NXN: variants seen among roughly 807,000 people sequenced by gnomAD.
NXN encodes the protein nucleoredoxin 1.
NXN carries 16 observed loss-of-function variants against 48.6 expected under a neutral mutation model. The ratio of observed to expected loss-of-function variants is 0.33; its 90% CI spans 0.22 to 0.50. The LOEUF is 0.50. NXN is among the 20% of genes least tolerant of loss of function. The probability of loss-of-function intolerance (pLI) is 0.98; values close to 1 mark genes in which losing one functional copy is unlikely to be tolerated. For synonymous variants in NXN, 281 were observed against 269.6 expected (o/e 1.04, Z -0.41); for missense variants, 492 against 605.5 (o/e 0.81, Z 1.97).
intron 5 of NXN, among the ~76,000 whole-genome samples, chr17:807,077 G>A (rs910922): frequency 0.16 from 24,889 of 152,152 alleles, 2,481 homozygotes; most frequent in East Asian, 0.4. Context: ...ACATCCTCAG[G>A]CTGCATTTTA....
rs561711496 is a variant in NXN at position 969,834 on chromosome 17, G to GAA, written c.360+9483_360+9484dup. Among the ~76,000 whole-genome samples, 7 of 152,230 alleles carry GAA rather than the reference G, an allele frequency of 4.6e-5. No individual in the cohort carries two copies. The South Asian group carries it at 1.5e-3, about 32-fold the overall frequency. On this transcript the variant is annotated intron_variant, in intron 1 of 7. Transcript: ENST00000336868. ...TGAAATTCTCCCAGGAAAACAAAGA[G>GAA]AAAGCCCTATCCCTAGGACAGCAGA...
chr17:938,786 G>A (rs1011558065), intron 1 of NXN, among the ~76,000 whole-genome samples: 3 of 152,122 alleles, frequency 2.0e-5, no homozygotes, highest in South Asian at 2.1e-4. Context: ...CAGGCTGGGC[G>A]CGGTGGCTCA....
intron 1 of NXN, among the ~76,000 whole-genome samples, chr17:833,872 G>A (rs1440482469): frequency 6.6e-6 from 1 of 152,108 alleles, no homozygotes; most frequent in Non-Finnish European, 1.5e-5. Flanking sequence ...GACGTTAACA[G>A]TGAAGAGCGG....
intron 1 of NXN, among the ~76,000 whole-genome samples, chr17:970,261 G>A (rs917690504): frequency 5.3e-5 from 8 of 152,068 alleles, no homozygotes; most frequent in African/African-American, 1.4e-4. Context: ...AAGTTGGAAC[G>A]GCAGTTTCTG....
intron 1 of NXN, among the ~76,000 whole-genome samples, chr17:828,135 G>A (rs1411664940): frequency 1.3e-5 from 2 of 151,974 alleles, no homozygotes; most frequent in South Asian, 2.1e-4. Flanking sequence ...ACAGAATCTC[G>A]CTCTGTCACC....
chr17:934,920 T>C (rs1392385315), intron 1 of NXN, among the ~76,000 whole-genome samples: 1 of 152,146 alleles, frequency 6.6e-6, no homozygotes, highest in East Asian at 1.9e-4. Flanking sequence ...CCAAGCGGAC[T>C]GTCTGGACAG....
At chr17:840,052 G>A (rs187669630) in intron 1 of NXN, among the ~76,000 whole-genome samples, 433 of 151,020 alleles carry the variant, frequency 2.9e-3, no homozygotes, top group African/African-American at 1.0e-2. Flanking sequence ...AGCTGAGATC[G>A]TGCCACTGCA....
At chr17:963,259 A>C (rs2069260740) in intron 1 of NXN, among the ~76,000 whole-genome samples, 1 of 144,490 alleles carries the variant, frequency 6.9e-6, no homozygotes, top group Non-Finnish European at 1.5e-5. Context: ...TTTTATTTGA[A>C]ATTTTTTTTT....
intron 1 of NXN, among the ~76,000 whole-genome samples, chr17:952,994 G>C (rs2069129666): frequency 1.3e-5 from 2 of 152,102 alleles, no homozygotes; most frequent in Non-Finnish European, 2.9e-5. Flanking sequence ...TCCTAGAGGG[G>C]TCCTAGGCTA....
intron 4 of NXN, 112 bp from the exon 5 acceptor site, chr17:819,657 T>C: frequency 1.4e-6 from 1 of 737,310 alleles, no homozygotes; most frequent in Non-Finnish European, 2.3e-6. Context: ...CCGGGGTTTC[T>C]AACCACTGTG....
intron 5 of NXN, among the ~76,000 whole-genome samples, chr17:808,237 T>C (rs572632289): frequency 2.6e-4 from 40 of 152,056 alleles, no homozygotes; most frequent in Middle Eastern, 3.4e-3. Flanking sequence ...ACAGCCACCA[T>C]TTCCCTTTCT....
chr17:868,266 G>A (rs932798930), intron 1 of NXN, among the ~76,000 whole-genome samples: 5 of 152,034 alleles, frequency 3.3e-5, no homozygotes, highest in African/African-American at 1.2e-4. Flanking sequence ...CTTCACACGT[G>A]GGATTCCCTC....
chr17:879,038 G>A (rs1013702188), intron 1 of NXN, among the ~76,000 whole-genome samples: 9 of 151,860 alleles, frequency 5.9e-5, no homozygotes, highest in African/African-American at 1.5e-4. Flanking sequence ...GGTGGCAGGC[G>A]CCTCTAATCC....
Position 895,532 on chromosome 17 carries a change from G to A in NXN, c.361-69454C>T, listed in dbSNP as rs368080043. ...TTCTGGTTTAAAAAGACCCAATGTG[G>A]CCGGGCGCAGTGGCTCACGCCTCTA... On this transcript the variant is annotated intron_variant, in intron 1 of 7. Coordinates refer to ENST00000336868, the MANE Select transcript of NXN (RefSeq NM_022463.5). Among the ~76,000 whole-genome samples, 546 of 151,986 alleles carry A rather than the reference G, an allele frequency of 3.6e-3. 4 individuals are homozygous for A. The highest frequency in any genetic ancestry group is 4.8e-3 in the Non-Finnish European group (326 of 67,956).
At chr17:975,255 A>G (rs2069445073) in intron 1 of NXN, among the ~76,000 whole-genome samples, 1 of 152,226 alleles carries the variant, frequency 6.6e-6, no homozygotes. Flanking sequence ...TAATTTTCAA[A>G]TCTGCACCTT....
In NXN at chr17:855,041, C is replaced by G. The variant is rs2067970957; in HGVS notation, c.361-28963G>C. The stretch of plus-strand genomic sequence containing the variant: ...CTATAACTACAAGCACTTTGGGAGG[C>G]CAAGGCGGGAGGGTCAATTGAGCAC... On this transcript the variant is annotated intron_variant, in intron 1 of 7. Coordinates refer to ENST00000336868, the MANE Select transcript of NXN (RefSeq NM_022463.5). 2.6e-5 allele frequency among the ~76,000 whole-genome samples: 4 copies of G among 152,108 alleles called. No individual in the cohort carries two copies. In the South Asian group the frequency reaches 8.3e-4, roughly 32 times the overall value.
At position 932,772 on chromosome 17, in the gene NXN, G is replaced by A. The variant is rs927422777; in HGVS notation, c.360+46547C>T. 6.6e-6 allele frequency among the ~76,000 whole-genome samples: 1 copy of A among 152,096 alleles called. No individual in the cohort carries two copies. The highest frequency in any genetic ancestry group is 1.5e-5 in the Non-Finnish European group (1 of 68,022). On this transcript the variant is annotated intron_variant, in intron 1 of 7. Transcript: ENST00000336868. This position sits in a 1 kb window ranked among gnomAD's most constrained non-coding sequence, Gnocchi z 4.1. ...GGGTGGGGAGTGCCTTGTTGTGGCC[G>A]GCTTCGCATAAGTCATCTGCGCCCG... is the stretch of plus-strand genomic sequence containing the variant.
At chr17:957,427 T>A (rs1311586271) in intron 1 of NXN, among the ~76,000 whole-genome samples, 1 of 150,724 alleles carries the variant, frequency 6.6e-6, no homozygotes, top group Non-Finnish European at 1.5e-5. Flanking sequence ...AGGTCAGGAG[T>A]TCAAGACCAG....
chr17:975,355 G>C (rs919135999), intron 1 of NXN, among the ~76,000 whole-genome samples: 5 of 152,208 alleles, frequency 3.3e-5, no homozygotes, highest in African/African-American at 1.2e-4. Context: ...GCAGTGTTTG[G>C]ATTCAAGGAA....
Sources: allele counts gnomAD v4.1 joint callset (sites outside exome capture counted in the v4.1 genomes callset), GRCh38; gene constraint gnomAD v4.1.1; non-coding constraint Gnocchi (gnomAD v3.1); transcripts MANE v1.5; gene names NCBI Gene and HGNC (gene_info 2026-07-23, HGNC 2026-07-21).